Variants in NCOA1 observed in about 807,000 individuals in gnomAD.
NCOA1 encodes Hin-2 protein.
NCOA1 carries 35 observed loss-of-function variants against 150.9 expected under a neutral mutation model. The observed-to-expected ratio is 0.23, with a 90% confidence interval of 0.18 to 0.31. The LOEUF (loss-of-function observed/expected upper bound fraction) is 0.31. Among genes scored for constraint, NCOA1 ranks in the 10% least tolerant of loss-of-function variants. The pLI is 1.00. For synonymous variants in NCOA1, 590 were observed against 630.0 expected (o/e 0.94, Z 0.95); for missense variants, 1,491 against 1,749.3 (o/e 0.85, Z 2.63).
intron 3 of NCOA1, among the ~76,000 whole-genome samples, chr2:24,620,023 C>T (rs1669054738): frequency 6.6e-6 from 1 of 152,172 alleles, no homozygotes; most frequent in Non-Finnish European, 1.5e-5. Context: ...AGCCTACCCT[C>T]TCAGTCTTTT....
At chr2:24,665,141 T>C (rs1053345571) in intron 5 of NCOA1, among the ~76,000 whole-genome samples, 1 of 150,842 alleles carries the variant, frequency 6.6e-6, no homozygotes, top group African/African-American at 2.4e-5. Context: ...TTACAAATCA[T>C]TTTTTTTTCT....
At chr2:24,682,928 A>AT (rs781771986) in intron 7 of NCOA1, 23 bp from the exon 8 acceptor site, 51 of 1,558,050 alleles carry the variant, frequency 3.3e-5, no homozygotes, top group Middle Eastern at 1.7e-4. Flanking sequence ...CCTCCAAACC[A>AT]TTTTTTTCTT....
intron 14 of NCOA1, among the ~76,000 whole-genome samples, chr2:24,722,867 G>A (rs922137564): frequency 1.3e-5 from 2 of 151,578 alleles, no homozygotes; most frequent in Non-Finnish European, 2.9e-5. Flanking sequence ...GTATGCACCT[G>A]TAGTCCCAGC....
rs1393125488 is a variant in NCOA1 at position 24,564,351 on chromosome 2, A to G, written c.-339A>G. The G allele has an allele frequency of 6.6e-6, 1 of 152,218 alleles. No individual in the cohort carries two copies. The allele number at this position is 152,218 out of a possible 1,614,324, so 9.4% of individuals were successfully genotyped here. On this transcript the variant is annotated 5_prime_UTR_variant, in exon 2 of 23. Transcript: ENST00000348332. ...ACTGACTCTGATGATAAAATCAAGG[A>G]CCATCAAGCAAGATCATGCAGTAGG...
At chr2:24,689,615 A>C (rs1672569181) in intron 8 of NCOA1, among the ~76,000 whole-genome samples, 1 of 152,074 alleles carries the variant, frequency 6.6e-6, no homozygotes, top group Non-Finnish European at 1.5e-5. Flanking sequence ...GATGGTCTCG[A>C]TCTCTGACCT....
intron 5 of NCOA1, among the ~76,000 whole-genome samples, chr2:24,662,845 C>G (rs1051950216): frequency 2.6e-5 from 4 of 151,702 alleles, no homozygotes; most frequent in Admixed American, 1.3e-4. Context: ...TGGAGTGGAG[C>G]AGCACAGTCA....
chr2:24,655,493 A>T lies in NCOA1; in HGVS notation c.-17-3168A>T, dbSNP rs572949433. 6.6e-4 allele frequency among the ~76,000 whole-genome samples: 101 copies of T among 152,298 alleles called. 1 individual carries two copies. The highest frequency in any genetic ancestry group is 2.3e-3 in the African/African-American group (97 of 41,560). Reference sequence around the variant, plus strand: ...ATTCATTCACCAGATCCTATAATAGACTCACACAATAGGTGAGAGCAGATG... The same window carrying T: ...ATTCATTCACCAGATCCTATAATAGTCTCACACAATAGGTGAGAGCAGATG... On this transcript the variant is annotated intron_variant, in intron 4 of 22. Coordinates refer to ENST00000348332, the MANE Select transcript of NCOA1 (RefSeq NM_003743.5).
rs1665225821 is a variant in NCOA1, at chr2:24,769,551, C to T, written c.*1160C>T. On this transcript the variant is annotated 3_prime_UTR_variant, in exon 23 of 23. Coordinates refer to ENST00000348332, the MANE Select transcript of NCOA1 (RefSeq NM_003743.5). ...CCCTGGGATCATCTGAACAGAAGTG[C>T]ACAGGCTACTTGTACAGAGAAAAAA... The T allele has an allele frequency of 4.9e-6, 1 of 202,528 alleles. No individual in the cohort carries two copies. Among genetic ancestry groups the T allele is most frequent in the African/African-American group, 2.3e-5 (1 of 43,602 alleles). 12.5% of individuals were successfully genotyped at this position (202,528 alleles called of 1,614,324 possible).
chr2:24,668,320 T>G (rs1671523639), intron 6 of NCOA1, among the ~76,000 whole-genome samples: 1 of 152,016 alleles, frequency 6.6e-6, no homozygotes, highest in African/African-American at 2.4e-5. Context: ...TTGAAAGCCC[T>G]CATGTAGTGC....
intron 1 of NCOA1, among the ~76,000 whole-genome samples, chr2:24,535,949 G>C (rs1665118996): frequency 6.6e-6 from 1 of 152,098 alleles, no homozygotes; most frequent in South Asian, 2.1e-4. Context: ...TCTTCTCGAG[G>C]AGTATCTTTA....
At chr2:24,589,117 G>T (rs758386724) in intron 3 of NCOA1, among the ~76,000 whole-genome samples, 11 of 152,142 alleles carry the variant, frequency 7.2e-5, no homozygotes, top group Non-Finnish European at 1.2e-4. Context: ...GGGTTGGCTT[G>T]TGTGACCTTG....
At chr2:24,589,120 T>A (rs1667539125) in intron 3 of NCOA1, among the ~76,000 whole-genome samples, 1 of 152,186 alleles carries the variant, frequency 6.6e-6, no homozygotes, top group Non-Finnish European at 1.5e-5. Context: ...TTGGCTTGTG[T>A]GACCTTGTAG....
Position 24,707,200 on chromosome 2 carries a change from C to T in NCOA1, c.1730C>T (p.Pro577Leu). Residue 577 changes from proline (P) to leucine (L), a missense_variant, in exon 13 of 23, where the codon CCA (proline) becomes CTA (leucine). Transcript: ENST00000348332. Reference protein sequence around the residue: ...QNSPSRLNIQPAKAESKDNKE... With the variant: ...QNSPSRLNIQLAKAESKDNKE... ...TCACCTAGCAGATTAAATATACAACCAGCAAAAGCTGAGTCCAAAGATAAC... is the reference window on the plus strand; with the variant it reads ...TCACCTAGCAGATTAAATATACAACTAGCAAAAGCTGAGTCCAAAGATAAC... 2 of 1,614,154 alleles carry T rather than the reference C, an allele frequency of 1.2e-6. No individual in the cohort carries two copies. Among genetic ancestry groups the T allele is most frequent in the Non-Finnish European group, 1.7e-6 (2 of 1,180,026 alleles).
chr2:24,680,192 A>G (rs1221576797), intron 7 of NCOA1, among the ~76,000 whole-genome samples: 1 of 152,096 alleles, frequency 6.6e-6, no homozygotes, highest in Non-Finnish European at 1.5e-5. Flanking sequence ...ACTGGATCAT[A>G]TGGTAGTTCT....
chr2:24,681,955 C>T (rs1204960354), intron 7 of NCOA1, among the ~76,000 whole-genome samples: 1 of 152,090 alleles, frequency 6.6e-6, no homozygotes, highest in Non-Finnish European at 1.5e-5. Context: ...ACCTCGTGAT[C>T]CACCCGCCTC....
chr2:24,510,038 G>A (rs894543148), intron 1 of NCOA1, among the ~76,000 whole-genome samples: 1 of 152,170 alleles, frequency 6.6e-6, no homozygotes, highest in Non-Finnish European at 1.5e-5. Flanking sequence ...GCCTGCCTGG[G>A]GCAGAGTGTA....
intron 21 of NCOA1, 31 bp downstream of exon 21, chr2:24,758,187 C>T (rs758192458): frequency 2.6e-6 from 4 of 1,565,446 alleles, no homozygotes; most frequent in Admixed American, 3.5e-5. Context: ...ACACATGCCA[C>T]ACCACATCAC....
chr2:24,519,541 T>G (rs921115136), intron 1 of NCOA1, among the ~76,000 whole-genome samples: 16 of 151,408 alleles, frequency 1.1e-4, no homozygotes, highest in Non-Finnish European at 1.8e-4. Flanking sequence ...AAAACACGGT[T>G]GGGCATGGTA....
intron 13 of NCOA1, among the ~76,000 whole-genome samples, chr2:24,709,276 TAAG>T (rs1186398108): frequency 1.3e-5 from 2 of 152,246 alleles, no homozygotes; most frequent in Non-Finnish European, 2.9e-5. Flanking sequence ...TACAGGATAA[TAAG>T]ATATGCATAT....
Sources: gnomAD v4.1 joint callset for allele counts (sites outside exome capture counted in the v4.1 genomes callset) on GRCh38, gnomAD v4.1.1 for gene constraint, MANE v1.5 for transcripts, NCBI Gene and HGNC (gene_info 2026-07-23, HGNC 2026-07-21) for gene names.